The following C1orf159 variants were observed in gnomAD, a reference collection of about 807,000 sequenced individuals.
C1orf159 encodes uncharacterized protein C1orf159.
Under a neutral mutation model 25.6 loss-of-function variants are expected in C1orf159, and 19 were observed. The observed-to-expected ratio is 0.74, with a 90% CI of 0.52 to 1.09. C1orf159 has a LOEUF of 1.09. Ranked by LOEUF, C1orf159 falls within the 50% of genes least tolerant of loss-of-function variation. The probability of loss-of-function intolerance (pLI) is 0.00; values close to 1 mark genes in which losing one functional copy is unlikely to be tolerated. For missense variants in C1orf159, 274 were observed against 290.6 expected, an observed-to-expected ratio of 0.94 and a Z score of 0.42; for synonymous variants, 139 against 124.7, an observed-to-expected ratio of 1.12 and a Z score of -0.77.
chr1:1,083,171 C>G (rs187922250), intron 9 of C1orf159, 184 bp from the exon 10 acceptor site: 21 of 554,284 alleles, frequency 3.8e-5, no homozygotes, highest in Admixed American at 6.9e-5. Flanking sequence ...AGCTCCAGCT[C>G]GGGAAAGGGA....
intron 1 of C1orf159, among the ~76,000 whole-genome samples, chr1:1,104,857 A>G (rs752770773): frequency 1.9e-4 from 29 of 152,038 alleles, no homozygotes; most frequent in Non-Finnish European, 3.7e-4. Flanking sequence ...CTTGGAGAAC[A>G]TGGGCTGAAA....
chr1:1,083,764 C>G (rs1645781666), intron 9 of C1orf159: 2 of 707,972 alleles, frequency 2.8e-6, no homozygotes, highest in South Asian at 3.7e-5. Flanking sequence ...AACGGTCTGT[C>G]CCCTAAAGGC....
intron 1 of C1orf159, among the ~76,000 whole-genome samples, chr1:1,101,488 A>T (rs58013847): frequency 2.6e-4 from 35 of 134,400 alleles, no homozygotes; most frequent in East Asian, 3.9e-4. Context: ...ATAAAAAAAA[A>T]TTTTTTTTTA....
At chr1:1,100,684 T>C (rs921015020) in intron 1 of C1orf159, among the ~76,000 whole-genome samples, 2 of 152,216 alleles carry the variant, frequency 1.3e-5, no homozygotes, top group African/African-American at 4.8e-5. Context: ...TCTGGCCCTC[T>C]TTTGCGTGAT....
Position 1,110,218 on chromosome 1 carries a change from G to T in C1orf159, c.-136+5842C>A, listed in dbSNP as rs1454531074. 6.6e-6 allele frequency among the ~76,000 whole-genome samples: 1 copy of T among 152,194 alleles called. No homozygotes were observed. Among genetic ancestry groups the T allele is most frequent in the Non-Finnish European group, 1.5e-5 (1 of 68,048 alleles). ...GTGTCTAAACTGAAAAAGGGTGGCA[G>T]TATAACCAGGTGTGTCCAACCTCCC... On this transcript the variant is annotated intron_variant, in intron 1 of 9. Coordinates refer to ENST00000421241, the MANE Select transcript of C1orf159 (RefSeq NM_017891.5). The surrounding 1 kb of genome is among the most constrained non-coding windows in gnomAD (Gnocchi z 4.8).
In C1orf159 at chr1:1,111,825, C is replaced by T. The variant is rs76707525; in HGVS notation, c.-136+4235G>A. 1.2e-4 allele frequency among the ~76,000 whole-genome samples: 18 copies of T among 152,318 alleles called. No individual in the cohort carries two copies. In the East Asian group the frequency reaches 3.3e-3, roughly 28 times the overall value. On this transcript the variant is annotated intron_variant, in intron 1 of 9. Transcript: ENST00000421241. ...CCGTGTAGCTAATGCTGGTCATCTT[C>T]GTAGCAAGCAAAGGAAGCCAACGTG...
At chr1:1,099,809 A>G (rs947669501) in intron 1 of C1orf159, among the ~76,000 whole-genome samples, 1 of 152,136 alleles carries the variant, frequency 6.6e-6, no homozygotes, top group African/African-American at 2.4e-5. Context: ...ATCTCCTACT[A>G]TGATTCTGGG....
At chr1:1,102,085 A>AC (rs1437811126) in intron 1 of C1orf159, among the ~76,000 whole-genome samples, 1 of 150,790 alleles carries the variant, frequency 6.6e-6, no homozygotes, top group Non-Finnish European at 1.5e-5. Context: ...AAAAAAAAAA[A>AC]AAAAAAAAAA....
chr1:1,091,661 G>T, intron 2 of C1orf159, 96 bp from the exon 3 acceptor site: 1 of 880,118 alleles, frequency 1.1e-6, no homozygotes, highest in Non-Finnish European at 1.8e-6. Flanking sequence ...AGATGTTGGG[G>T]GGGTGCGGGC....
chr1:1,114,403 G>A (rs959472092), intron 1 of C1orf159, among the ~76,000 whole-genome samples: 4 of 152,138 alleles, frequency 2.6e-5, no homozygotes, highest in Admixed American at 1.3e-4. Context: ...GGTCTCAAGC[G>A]ATCTCCCACC....
At chr1:1,102,879 G>T (rs1570328645) in intron 1 of C1orf159, among the ~76,000 whole-genome samples, 2 of 151,732 alleles carry the variant, frequency 1.3e-5, no homozygotes, top group African/African-American at 2.4e-5. Flanking sequence ...CCCCAGGCTG[G>T]AGTGCAGTGG....
Position 1,097,451 on chromosome 1 carries a change from C to T in C1orf159, c.-135-5348G>A, listed in dbSNP as rs541576633. Among the ~76,000 whole-genome samples the T allele has an allele frequency of 4.7e-5, 7 of 150,172 alleles. No homozygotes were observed. In the South Asian group the frequency reaches 1.5e-3, roughly 32 times the overall value. Reference sequence around the variant, plus strand: ...GCTTTTCAAACAGGTCTCTCTCTGTCGCCTGGGCTGGAGTGCAGTGGTGTG... The same window carrying T: ...GCTTTTCAAACAGGTCTCTCTCTGTTGCCTGGGCTGGAGTGCAGTGGTGTG... On this transcript the variant is annotated intron_variant, in intron 1 of 9. Coordinates refer to ENST00000421241, the MANE Select transcript of C1orf159 (RefSeq NM_017891.5).
intron 1 of C1orf159, among the ~76,000 whole-genome samples, chr1:1,104,283 G>C (rs997670078): frequency 6.6e-6 from 1 of 152,186 alleles, no homozygotes; most frequent in Non-Finnish European, 1.5e-5. Flanking sequence ...CACTGCACCC[G>C]GCCCAGACAG....
intron 6 of C1orf159, 85 bp from the exon 7 acceptor site, chr1:1,086,097 A>T: frequency 6.6e-7 from 1 of 1,504,224 alleles, no homozygotes; most frequent in Non-Finnish European, 9.0e-7. Context: ...CACATGGCAG[A>T]TGCGCTGCTC....
In C1orf159 at chr1:1,090,410, A is replaced by G. The variant is rs1478427993; in HGVS notation, c.91T>C (p.Cys31Arg). Residue 31 changes from cysteine to arginine, a missense_variant, in exon 4 of 10, where the codon TGT becomes CGT. By Grantham distance (180) the Cys-to-Arg change is radical (BLOSUM62 -3). Coordinates refer to ENST00000421241, the MANE Select transcript of C1orf159 (RefSeq NM_017891.5). ...GCGTTGACGCCCACCACATCCACAC[A>G]GCACTCGGGCAGCTGGGCCTGGAGG... ...MENTAQLPEC[C>R]VDVVGVNASC... is the part of the protein sequence containing the mutation. The G allele has an allele frequency of 6.4e-7, 1 of 1,550,492 alleles. No homozygotes were observed. The highest frequency in any genetic ancestry group is 2.0e-5 in the Admixed American group (1 of 51,012).
chr1:1,114,285 C>T (rs1557440329), intron 1 of C1orf159, among the ~76,000 whole-genome samples: 1 of 152,130 alleles, frequency 6.6e-6, no homozygotes, highest in Non-Finnish European at 1.5e-5. Context: ...CTGCCCTGCT[C>T]ATGTCTGACT....
chr1:1,105,037 T>C (rs1488291262), intron 1 of C1orf159, among the ~76,000 whole-genome samples: 1 of 152,198 alleles, frequency 6.6e-6, no homozygotes, highest in Non-Finnish European at 1.5e-5. Context: ...ATGCCCCTTA[T>C]CGCCCCACTT....
At position 1,102,068 on chromosome 1, in the gene C1orf159, T is replaced by G. The variant is rs1027669121; in HGVS notation, c.-135-9965A>C. Among the ~76,000 whole-genome samples the G allele has an allele frequency of 2.0e-4, 20 of 101,324 alleles. No homozygotes were observed. The East Asian group carries it at 3.2e-3, about 16-fold the overall frequency. The allele number at this position is 101,324 out of a possible 152,430, so 66.5% of individuals were successfully genotyped here. A position where few individuals can be genotyped will look rare whatever the true frequency, so the allele number is the denominator to read the frequency against. On this transcript the variant is annotated intron_variant, in intron 1 of 9. Transcript: ENST00000421241. ...CCTGGGCGACAACAGCAAAACTCTG[T>G]CTCAAAAAAAAAAAAAAAAAAAAAA...
Position 1,087,566 on chromosome 1 carries a change from G to C in C1orf159, c.180C>G (p.Ser60Arg). ...CGTTCCCACAGCGGACGCAGCTGGC[G>C]CTCCCGTCCGCGTTCCAGCGCCTGT... Reference protein sequence around the residue: ...GCYRRWNADGSASCVRCGNGT... With the variant: ...GCYRRWNADGRASCVRCGNGT... The change falls in exon 5 of 10, where the codon AGC (serine) becomes AGG (arginine). Residue 60 changes from serine to arginine, a missense_variant. Coordinates refer to ENST00000421241, the MANE Select transcript of C1orf159 (RefSeq NM_017891.5). The surrounding 1 kb of genome is among the most constrained non-coding windows in gnomAD (Gnocchi z 8.3). The C allele has an allele frequency of 1.3e-6, 2 of 1,548,584 alleles. No individual in the cohort carries two copies. The highest frequency in any genetic ancestry group is 1.2e-5 in the South Asian group (1 of 84,054).
Sources: gnomAD v4.1 joint callset for allele counts (sites outside exome capture counted in the v4.1 genomes callset) on GRCh38, gnomAD v4.1.1 for gene constraint, Gnocchi (gnomAD v3.1) non-coding constraint, MANE v1.5 for transcripts, NCBI Gene and HGNC (gene_info 2026-07-23, HGNC 2026-07-21) for gene names.